The following APBB1 variants were observed in gnomAD, a reference collection of about 807,000 sequenced individuals.
APBB1 encodes adaptor protein FE65a2.
APBB1 carries 22 observed loss-of-function variants against 78.4 expected under a neutral mutation model. The ratio of observed to expected loss-of-function variants is 0.28; its 90% CI spans 0.20 to 0.40. The LOEUF is 0.40. APBB1 is among the 10% of genes least tolerant of loss of function. APBB1 has a pLI of 1.00. For synonymous variants in APBB1, 369 were observed against 372.7 expected (o/e 0.99, Z 0.12); for missense variants, 749 against 932.4 (o/e 0.80, Z 2.56).
intron 2 of APBB1, chr11:6,405,616 C>T (rs1482881337): frequency 8.1e-6 from 8 of 985,822 alleles, no homozygotes; most frequent in African/African-American, 5.2e-5. Context: ...GCACACCTGA[C>T]GAGAGTTATT....
At chr11:6,398,223 T>C (rs1848329031) in intron 12 of APBB1, among the ~76,000 whole-genome samples, 1 of 145,708 alleles carries the variant, frequency 6.9e-6, no homozygotes, top group Admixed American at 6.8e-5. Context: ...TTTTCTCTTC[T>C]TTTTTTTTTG....
chr11:6,410,550 G>T, intron 2 of APBB1, 77 bp downstream of exon 2: 1 of 1,318,370 alleles, frequency 7.6e-7, no homozygotes, highest in Non-Finnish European at 1.0e-6. Context: ...CATCAGGCTG[G>T]CACTGGCCTC....
At chr11:6,405,661 T>A in intron 2 of APBB1, 1 of 985,740 alleles carries the variant, frequency 1.0e-6, no homozygotes, top group Non-Finnish European at 1.2e-6. Flanking sequence ...AGCTTCCAAA[T>A]GACGTGGGCC....
intron 1 of APBB1, among the ~76,000 whole-genome samples, chr11:6,416,867 G>A (rs1420254045): frequency 3.3e-5 from 5 of 151,866 alleles, no homozygotes; most frequent in Non-Finnish European, 7.4e-5. Flanking sequence ...TCAGCCTCCT[G>A]AGTAGCTGGG....
intron 1 of APBB1, among the ~76,000 whole-genome samples, chr11:6,413,137 T>C (rs1031671452): frequency 6.6e-6 from 1 of 151,850 alleles, no homozygotes; most frequent in African/African-American, 2.4e-5. Flanking sequence ...TTTCAGTTAT[T>C]TCTCCCTGAC....
rs764159848 is a variant in APBB1 at position 6,401,121 on chromosome 11, C to T, written c.1589-49G>A. 7.4e-6 allele frequency: 12 copies of T among 1,613,928 alleles called. No homozygotes were observed. Among genetic ancestry groups the T allele is most frequent in the African/African-American group, 2.7e-5 (2 of 74,890 alleles). ...ATCATGGTGGCAGACCTTGCTCACC[C>T]GCAGCCCCACCAGCAGGGCATAAGC... On this transcript the variant is annotated intron_variant, in intron 11 of 14. Coordinates refer to ENST00000609360, the MANE Select transcript of APBB1 (RefSeq NM_001164.5). The surrounding 1 kb of genome is among the most constrained non-coding windows in gnomAD (Gnocchi z 4.5).
intron 2 of APBB1, chr11:6,404,764 G>A: frequency 1.3e-6 from 2 of 1,536,308 alleles, no homozygotes; most frequent in South Asian, 1.2e-5. Flanking sequence ...TGTCCTGCAG[G>A]ATAATGGCCA....
At chr11:6,398,422 T>G (rs1330514759) in intron 12 of APBB1, among the ~76,000 whole-genome samples, 2 of 152,192 alleles carry the variant, frequency 1.3e-5, no homozygotes, top group Non-Finnish European at 2.9e-5. Flanking sequence ...AATGAATAAT[T>G]AATGAATGAA....
At chr11:6,406,043 C>T (rs1428477285) in intron 2 of APBB1, among the ~76,000 whole-genome samples, 2 of 152,196 alleles carry the variant, frequency 1.3e-5, no homozygotes, top group Non-Finnish European at 2.9e-5. Context: ...CTTCAAAGAG[C>T]TTCATCCTTC....
chr11:6,404,514 C>G (rs1277723612), intron 2 of APBB1: 11 of 1,445,444 alleles, frequency 7.6e-6, no homozygotes, highest in Non-Finnish European at 1.0e-5. Flanking sequence ...CACGTCAAAC[C>G]CTGCCAAATG....
intron 2 of APBB1, chr11:6,405,527 A>G (rs1314488989): frequency 1.0e-6 from 1 of 986,042 alleles, no homozygotes; most frequent in African/African-American, 1.7e-5. Flanking sequence ...GTACTAAGGG[A>G]CAGGCAGTCC....
intron 2 of APBB1, chr11:6,404,851 G>A (rs1179883694): frequency 1.3e-6 from 2 of 1,531,332 alleles, no homozygotes; most frequent in Admixed American, 3.9e-5. Flanking sequence ...AGCCCCTCCA[G>A]CCCAGCCAGC....
At chr11:6,396,834 G>A (rs1043671052) in intron 12 of APBB1, among the ~76,000 whole-genome samples, 8 of 152,136 alleles carry the variant, frequency 5.3e-5, no homozygotes, top group Non-Finnish European at 5.9e-5. Context: ...TCCAGAGCCT[G>A]GGTTCTTAGC....
chr11:6,400,909 A>C, intron 12 of APBB1, 80 bp downstream of exon 12: 1 of 1,301,026 alleles, frequency 7.7e-7, no homozygotes, highest in South Asian at 1.2e-5. Context: ...GTCTGGTAGA[A>C]GAAGTATTGG....
chr11:6,415,777 A>G (rs1246120701), intron 1 of APBB1, among the ~76,000 whole-genome samples: 1 of 152,176 alleles, frequency 6.6e-6, no homozygotes, highest in Admixed American at 6.5e-5. Flanking sequence ...TGCTTCACCT[A>G]TGATTTGGAT....
intron 2 of APBB1, chr11:6,404,638 G>C: frequency 6.5e-7 from 1 of 1,536,198 alleles, no homozygotes; most frequent in Non-Finnish European, 8.7e-7. Flanking sequence ...CTTGTCTGCC[G>C]GCAGAGCCAC....
At chr11:6,409,027 GTTTTT>G (rs555460151) in intron 2 of APBB1, among the ~76,000 whole-genome samples, 8 of 148,594 alleles carry the variant, frequency 5.4e-5, no homozygotes, top group Non-Finnish European at 1.2e-4. Flanking sequence ...ATTGTGGTGG[GTTTTT>G]TTTTTAAGAG....
rs997948772 is a variant in APBB1, at chr11:6,409,663, A to G, written c.721+964T>C. Among the ~76,000 whole-genome samples the G allele has an allele frequency of 6.2e-5, 9 of 146,328 alleles. 1 individual carries two copies. The highest frequency in any genetic ancestry group is 2.5e-4 in the African/African-American group (9 of 35,824). ...ATGGGTATTGTGTCCGCCACCTGGTAAGGATAGGGGTCTTTCCTAATCTTT... is the reference window on the plus strand; with the variant it reads ...ATGGGTATTGTGTCCGCCACCTGGTGAGGATAGGGGTCTTTCCTAATCTTT... On this transcript the variant is annotated intron_variant, in intron 2 of 14. Coordinates refer to ENST00000609360, the MANE Select transcript of APBB1 (RefSeq NM_001164.5).
intron 2 of APBB1, chr11:6,405,648 C>G: frequency 1.0e-6 from 1 of 985,888 alleles, no homozygotes; most frequent in Non-Finnish European, 1.2e-6. Context: ...CTTCACCATC[C>G]TCAGCTTCCA....
Sources: gnomAD v4.1 joint callset for allele counts (sites outside exome capture counted in the v4.1 genomes callset) on GRCh38, gnomAD v4.1.1 for gene constraint, Gnocchi (gnomAD v3.1) non-coding constraint, MANE v1.5 for transcripts, NCBI Gene and HGNC (gene_info 2026-07-23, HGNC 2026-07-21) for gene names.